The following PTDSS2 variants were observed in gnomAD, a reference collection of about 807,000 sequenced individuals.
PTDSS2 encodes PSS-2.
Under a neutral mutation model 64.7 loss-of-function variants are expected in PTDSS2, and 41 were observed. The observed-to-expected ratio is 0.63, with a 90% CI of 0.49 to 0.82. The LOEUF is 0.82. Ranked by LOEUF, PTDSS2 falls within the 40% of genes least tolerant of loss-of-function variation. The pLI, the probability that PTDSS2 is intolerant of heterozygous loss-of-function variation, is 0.00. For missense variants in PTDSS2, 485 were observed against 650.0 expected, an observed-to-expected ratio of 0.75 and a Z score of 2.76; for synonymous variants, 297 against 277.8, an observed-to-expected ratio of 1.07 and a Z score of -0.69.
chr11:485,208 G>A (rs1848278840), intron 4 of PTDSS2, among the ~76,000 whole-genome samples: 1 of 146,756 alleles, frequency 6.8e-6, no homozygotes, highest in East Asian at 2.1e-4. Context: ...AGGCGCGTGT[G>A]TGCTCACTGT....
At chr11:489,821 G>C (rs1848584523) in intron 10 of PTDSS2, 62 bp from the exon 11 acceptor site, 1 of 1,548,572 alleles carries the variant, frequency 6.5e-7, no homozygotes, top group Non-Finnish European at 8.7e-7. Flanking sequence ...CCGGAGCCTG[G>C]GCAAGTCCGC....
At chr11:471,698 C>CGGATGGTGGCCTGGGGTGACGT in intron 2 of PTDSS2, among the ~76,000 whole-genome samples, 1 of 134,290 alleles carries the variant, frequency 7.4e-6, no homozygotes, top group Non-Finnish European at 1.6e-5. Context: ...GCCTGTCGGG[C>CGGATGGTGGCCTGGGGTGACGT]GGATGGTGGC....
In PTDSS2 at chr11:470,244, G is replaced by A. The variant is rs2133793336; in HGVS notation, c.285-3651G>A. ...GGTCAGGTCAGCATGCACTGGTCAT[G>A]TTCATGGCGTGGCCGACGGGGAGGC... On this transcript the variant is annotated intron_variant, in intron 2 of 11. Transcript: ENST00000308020. The surrounding 1 kb of genome is among the most constrained non-coding windows in gnomAD (Gnocchi z 5.3). Among the ~76,000 whole-genome samples, 1 of 152,322 alleles carries A rather than the reference G, an allele frequency of 6.6e-6. No homozygotes were observed. Among genetic ancestry groups the A allele is most frequent in the Non-Finnish European group, 1.5e-5 (1 of 68,034 alleles).
chr11:450,339 C>G lies in PTDSS2; in HGVS notation c.-117C>G, dbSNP rs1846256087. ...CGCTGCTCTCCTAAGACCCCGCGGG[C>G]CAGCGCCGCGACCCCTTCCCAGCGC... On this transcript the variant is annotated 5_prime_UTR_variant, in exon 1 of 12. Transcript: ENST00000308020. 20 of 942,336 alleles carry G rather than the reference C, an allele frequency of 2.1e-5. No homozygotes were observed. The highest frequency in any genetic ancestry group is 2.7e-5 in the Non-Finnish European group (20 of 729,712). The allele number at this position is 942,336 out of a possible 1,614,324, so 58.4% of individuals were successfully genotyped here.
rs1270344155 is a variant in PTDSS2 at position 489,439 on chromosome 11, C to T, written c.894C>T (p.Tyr298=). The T allele has an allele frequency of 6.2e-7, 1 of 1,613,444 alleles. No homozygotes were observed. The highest frequency in any genetic ancestry group is 1.3e-5 in the African/African-American group (1 of 74,938). The change falls in exon 9 of 12, where the codon TAC becomes TAT. Residue 298 remains tyrosine, a synonymous_variant. Transcript: ENST00000308020. ...MKRIAFQFTP[Y]SWVRFEWKPA... is the part of the protein sequence containing the mutation. Reference sequence around the variant, plus strand: ...GGATCGCCTTCCAGTTCACGCCGTACAGCTGGGTTCGCTTCGAGTGGAAGC... The same window carrying T: ...GGATCGCCTTCCAGTTCACGCCGTATAGCTGGGTTCGCTTCGAGTGGAAGC...
rs773382524 is a variant in PTDSS2 at position 489,987 on chromosome 11, C to A, written c.1220C>A (p.Ser407Tyr). 1 of 1,612,358 alleles carries A rather than the reference C, an allele frequency of 6.2e-7. No homozygotes were observed. Among genetic ancestry groups the A allele is most frequent in the Admixed American group, 1.7e-5 (1 of 60,018 alleles). ...VKYDPHTLTL[S>Y]LPFYISQCWT... ...TACGACCCCCACACGCTCACCCTGTCCCTGCCCTTCTACATCTCCCAGTGC... is the reference window on the plus strand; with the variant it reads ...TACGACCCCCACACGCTCACCCTGTACCTGCCCTTCTACATCTCCCAGTGC... The change falls in exon 11 of 12, where the codon TCC becomes TAC. Residue 407 changes from serine (S) to tyrosine (Y), a missense_variant. This residue lies in a region of PTDSS2 where 219 missense variants were observed against 257.3 expected (regional missense o/e 0.85). Transcript: ENST00000308020.
rs756272528 is a variant in PTDSS2, at chr11:479,071, G to T, written c.368-14G>T. 2 of 1,613,612 alleles carry T rather than the reference G, an allele frequency of 1.2e-6. No individual in the cohort carries two copies. On this transcript the variant is annotated splice_polypyrimidine_tract_variant and intron_variant, in intron 3 of 11. Coordinates refer to ENST00000308020, the MANE Select transcript of PTDSS2 (RefSeq NM_030783.3). The surrounding 1 kb of genome is among the most constrained non-coding windows in gnomAD (Gnocchi z 4.2). ...GGACCGGGCGCACTAACGTTCTGTC[G>T]TCTGTCTTTGTAGCTTACTGGAGGT...
At chr11:488,411 CG>C in intron 7 of PTDSS2, 99 bp downstream of exon 7, 5 of 1,328,462 alleles carry the variant, frequency 3.8e-6, no homozygotes, top group Non-Finnish European at 5.4e-6. Flanking sequence ...TCATTCTCCC[CG>C]GGGGGCAGTG....
At chr11:488,372 CCT>C in intron 7 of PTDSS2, 60 bp downstream of exon 7, 1 of 1,469,198 alleles carries the variant, frequency 6.8e-7, no homozygotes, top group East Asian at 2.3e-5. Context: ...TCTCGGAACC[CCT>C]GTGCCCAGCG....
At position 455,810 on chromosome 11, in the gene PTDSS2, A is replaced by G. The variant is rs182354787; in HGVS notation, c.183-4377A>G. On this transcript the variant is annotated intron_variant, in intron 1 of 11. Coordinates refer to ENST00000308020, the MANE Select transcript of PTDSS2 (RefSeq NM_030783.3). Reference sequence around the variant, plus strand: ...TCCCATCCCTCTTTTGTTTTTCTCTATAACGTGTAGGGTTTCTTAGCTCTC... The same window carrying G: ...TCCCATCCCTCTTTTGTTTTTCTCTGTAACGTGTAGGGTTTCTTAGCTCTC... 6.6e-5 allele frequency among the ~76,000 whole-genome samples: 10 copies of G among 152,238 alleles called. No homozygotes were observed. In the East Asian group the frequency reaches 7.7e-4, roughly 12 times the overall value.
At chr11:490,240 C>T (rs2133847433) in intron 11 of PTDSS2, among the ~76,000 whole-genome samples, 172 bp downstream of exon 11, 1 of 152,310 alleles carries the variant, frequency 6.6e-6, no homozygotes, top group East Asian at 1.9e-4. Flanking sequence ...CTTCGCTCTG[C>T]ACTGACAGAT....
rs758785984 is a variant in PTDSS2 at position 488,529 on chromosome 11, T to C, written c.736T>C (p.Trp246Arg). 3 of 1,612,262 alleles carry C rather than the reference T, an allele frequency of 1.9e-6. No homozygotes were observed. In the South Asian group the frequency reaches 3.3e-5, roughly 18 times the overall value. ...AACGAGTGCTGGCCCCTCCCTGCAG[T>C]GGATCATGGACGTGCTCGTCTGCAA... is the stretch of plus-strand genomic sequence containing the variant. ...PNFSECWWDH[W>R]IMDVLVCNGL... Residue 246 changes from tryptophan (W) to arginine (R), a missense_variant and splice_region_variant, in exon 8 of 12, where the codon TGG becomes CGG. By Grantham distance (101) the Trp-to-Arg change is moderately radical. Around this residue, in one of 3 missense-constraint regions of PTDSS2, gnomAD observed 251 missense variants for 348.0 expected, o/e 0.72. Transcript: ENST00000308020.
Position 470,184 on chromosome 11 carries a change from C to T in PTDSS2, c.285-3711C>T, listed in dbSNP as rs1421044293. Among the ~76,000 whole-genome samples, 1 of 152,224 alleles carries T rather than the reference C, an allele frequency of 6.6e-6. No individual in the cohort carries two copies. Among genetic ancestry groups the T allele is most frequent in the African/African-American group, 2.4e-5 (1 of 41,458 alleles). On this transcript the variant is annotated intron_variant, in intron 2 of 11. Coordinates refer to ENST00000308020, the MANE Select transcript of PTDSS2 (RefSeq NM_030783.3). This position sits in a 1 kb window ranked among gnomAD's most constrained non-coding sequence, Gnocchi z 5.3. ...AGAGGGCAGTGGGAGGAGGACGCTG[C>T]AGCCGAGGTGCCCGCAGACACCCCC...
intron 1 of PTDSS2, among the ~76,000 whole-genome samples, chr11:455,398 C>A (rs1428173382): frequency 1.3e-5 from 2 of 152,194 alleles, no homozygotes; most frequent in African/African-American, 4.8e-5. Flanking sequence ...AGGCTCCTGT[C>A]CCGGCATCTG....
chr11:472,794 GC>G (rs1847532104), intron 2 of PTDSS2, among the ~76,000 whole-genome samples: 1 of 152,232 alleles, frequency 6.6e-6, no homozygotes, highest in Non-Finnish European at 1.5e-5. Flanking sequence ...TGTCTCTGTG[GC>G]CCCGTCTATT....
intron 2 of PTDSS2, among the ~76,000 whole-genome samples, chr11:464,424 G>A (rs1366505132): frequency 2.0e-5 from 3 of 152,210 alleles, no homozygotes; most frequent in Non-Finnish European, 4.4e-5. Context: ...AGTGTTCACT[G>A]TTCCCTGCGC....
At chr11:481,751 A>G (rs1473706237) in intron 4 of PTDSS2, among the ~76,000 whole-genome samples, 1 of 151,964 alleles carries the variant, frequency 6.6e-6, no homozygotes, top group African/African-American at 2.4e-5. Flanking sequence ...TTTGGGGTAG[A>G]CTCTTAAGAA....
intron 2 of PTDSS2, among the ~76,000 whole-genome samples, chr11:464,575 G>A (rs954245481): frequency 1.3e-5 from 2 of 152,206 alleles, no homozygotes; most frequent in Admixed American, 6.5e-5. Context: ...TCCTGTGAAC[G>A]CAGTTGCTCC....
chr11:490,740 G>GC lies in PTDSS2; in HGVS notation c.*162dup, dbSNP rs1848638974. 1.4e-6 allele frequency: 1 copy of GC among 699,664 alleles called. No homozygotes were observed. The highest frequency in any genetic ancestry group is 2.3e-6 in the Non-Finnish European group (1 of 427,062). 43.3% of individuals were successfully genotyped at this position (699,664 alleles called of 1,614,324 possible). ...AGGCTGAAGGCGAGGGGTGGAGGAGGCCCCAGCACAGCCTCATCTCCATGT... is the reference window on the plus strand; with the variant it reads ...AGGCTGAAGGCGAGGGGTGGAGGAGGCCCCCAGCACAGCCTCATCTCCATGT... On this transcript the variant is annotated 3_prime_UTR_variant, in exon 12 of 12. Coordinates refer to ENST00000308020, the MANE Select transcript of PTDSS2 (RefSeq NM_030783.3).
Sources: gnomAD v4.1 joint callset for allele counts (sites outside exome capture counted in the v4.1 genomes callset) on GRCh38, gnomAD v4.1.1 for gene constraint, gnomAD v4.1.1 regional missense constraint, Gnocchi (gnomAD v3.1) non-coding constraint, MANE v1.5 for transcripts, NCBI Gene and HGNC (gene_info 2026-07-23, HGNC 2026-07-21) for gene names.